Variants in LIFR observed in about 807,000 individuals in gnomAD.
LIFR encodes LIF receptor subunit alpha.
A neutral mutation model predicts 122.2 loss-of-function variants in LIFR; 84 were observed. The ratio of observed to expected loss-of-function variants is 0.69; its 90% CI spans 0.58 to 0.82. The LOEUF is 0.82. Ranked by LOEUF, LIFR falls within the 40% of genes least tolerant of loss-of-function variation. The pLI, the probability that LIFR is intolerant of heterozygous loss-of-function variation, is 0.00. For missense variants in LIFR, 1,294 were observed against 1,311.6 expected (o/e 0.99, Z 0.21); for synonymous variants, 422 against 434.7 (o/e 0.97, Z 0.36).
intron 1 of LIFR, among the ~76,000 whole-genome samples, chr5:38,548,638 C>A (rs1333692909): frequency 2.0e-5 from 3 of 152,060 alleles, no homozygotes; most frequent in African/African-American, 7.2e-5. Context: ...CACTCTAACA[C>A]CTCTATAAAA....
rs549742515 is a variant in LIFR, at chr5:38,519,884, G to A, written c.561+3535C>T. On this transcript the variant is annotated intron_variant, in intron 5 of 19. Coordinates refer to ENST00000453190, the MANE Select transcript of LIFR (RefSeq NM_001127671.2). ...TATCCACTCATCTACTGGACACTTAGGTTGATTCCACATATTTTCTATTGT... is the reference window on the plus strand; with the variant it reads ...TATCCACTCATCTACTGGACACTTAAGTTGATTCCACATATTTTCTATTGT... 9.2e-5 allele frequency among the ~76,000 whole-genome samples: 14 copies of A among 152,230 alleles called. No individual in the cohort carries two copies. In the South Asian group the frequency reaches 1.4e-3, roughly 16 times the overall value.
chr5:38,514,294 C>T (rs2112507878), intron 5 of LIFR, among the ~76,000 whole-genome samples: 1 of 152,216 alleles, frequency 6.6e-6, no homozygotes, highest in South Asian at 2.1e-4. Context: ...TGTTTTTAGA[C>T]TGACAGGGGC....
chr5:38,564,963 C>T (rs2112701427), intron 1 of LIFR, among the ~76,000 whole-genome samples: 2 of 152,018 alleles, frequency 1.3e-5, no homozygotes, highest in South Asian at 4.2e-4. Flanking sequence ...TTAGTAGAGA[C>T]AGGGTTTCGC....
At chr5:38,555,666 A>G (rs990233911) in intron 1 of LIFR, among the ~76,000 whole-genome samples, 1 of 144,452 alleles carries the variant, frequency 6.9e-6, no homozygotes, top group African/African-American at 2.5e-5. Context: ...ACACAAAGAT[A>G]CCCAACTGCA....
At chr5:38,525,470 A>T (rs1746630589) in intron 4 of LIFR, among the ~76,000 whole-genome samples, 1 of 152,200 alleles carries the variant, frequency 6.6e-6, no homozygotes, top group Admixed American at 6.5e-5. Flanking sequence ...AAACCAATAC[A>T]CATTAATCTC....
In LIFR at chr5:38,490,236, T is replaced by G; in HGVS notation, c.2121A>C (p.Gln707His). 6.3e-7 allele frequency: 1 copy of G among 1,587,678 alleles called. No homozygotes were observed. The highest frequency in any genetic ancestry group is 1.1e-5 in the South Asian group (1 of 89,446). Reference sequence around the variant, plus strand: ...TCATGGAGCGTAATAATTGATATCCTTGATTTCTGCATCCATACAGGAAAA... The same window carrying G: ...TCATGGAGCGTAATAATTGATATCCGTGATTTCTGCATCCATACAGGAAAA... ...YNFFLYGCRNQGYQLLRSMIG... is the reference protein window; with the variant it reads ...YNFFLYGCRNHGYQLLRSMIG... Residue 707 changes from glutamine to histidine, a missense_variant, in exon 15 of 20, where the codon CAA becomes CAC. Physicochemically the swap from Gln to His is conservative, Grantham distance 24 (BLOSUM62 0). Transcript: ENST00000453190.
chr5:38,495,388 A>G (rs1423993092), intron 13 of LIFR, among the ~76,000 whole-genome samples: 1 of 152,154 alleles, frequency 6.6e-6, no homozygotes, highest in African/African-American at 2.4e-5. Flanking sequence ...GCCAAAATGA[A>G]GAAGCCATTA....
intron 2 of LIFR, 59 bp downstream of exon 2, chr5:38,530,447 T>A: frequency 6.7e-7 from 1 of 1,487,590 alleles, no homozygotes; most frequent in Non-Finnish European, 9.4e-7. Context: ...AATTGCTTCG[T>A]CATCAAAATG....
intron 10 of LIFR, among the ~76,000 whole-genome samples, chr5:38,503,499 CTCATT>C (rs1296533864): frequency 6.6e-6 from 1 of 152,028 alleles, no homozygotes; most frequent in Non-Finnish European, 1.5e-5. Flanking sequence ...TTAAGTACAC[CTCATT>C]TATTTCAGAC....
intron 12 of LIFR, among the ~76,000 whole-genome samples, chr5:38,497,476 T>C (rs763440632): frequency 1.2e-4 from 19 of 152,218 alleles, no homozygotes; most frequent in Non-Finnish European, 2.4e-4. Context: ...GGAGCAAAAC[T>C]TTTAAAACTA....
At chr5:38,589,943 C>A (rs932608734) in intron 1 of LIFR, among the ~76,000 whole-genome samples, 1 of 152,142 alleles carries the variant, frequency 6.6e-6, no homozygotes, top group African/African-American at 2.4e-5. Context: ...TGGAACCAAA[C>A]CATCTATGTA....
At chr5:38,517,370 TA>T (rs1213136667) in intron 5 of LIFR, among the ~76,000 whole-genome samples, 1 of 152,078 alleles carries the variant, frequency 6.6e-6, no homozygotes, top group Admixed American at 6.5e-5. Flanking sequence ...TTTGAGGAGT[TA>T]TCCTAAGCCT....
chr5:38,538,330 C>T (rs1323124461), intron 1 of LIFR, among the ~76,000 whole-genome samples: 1 of 152,186 alleles, frequency 6.6e-6, no homozygotes, highest in Non-Finnish European at 1.5e-5. Context: ...TAATTACTTC[C>T]AAATCCGTGT....
intron 9 of LIFR, 50 bp from the exon 10 acceptor site, chr5:38,504,171 A>C: frequency 8.2e-7 from 1 of 1,214,010 alleles, no homozygotes; most frequent in Non-Finnish European, 1.2e-6. Flanking sequence ...GGGAAAAACT[A>C]TCTTCTAATA....
At chr5:38,523,397 G>A (rs745692546) in intron 5 of LIFR, 22 bp downstream of exon 5, 1 of 1,592,148 alleles carries the variant, frequency 6.3e-7, no homozygotes, top group Non-Finnish European at 8.6e-7. Flanking sequence ...GTCATAGGAA[G>A]AAAATCTATG....
intron 13 of LIFR, among the ~76,000 whole-genome samples, chr5:38,496,109 TA>T (rs1241381780): frequency 6.6e-6 from 1 of 152,214 alleles, no homozygotes; most frequent in African/African-American, 2.4e-5. Flanking sequence ...TATTTCTTCC[TA>T]AAAGTACTAT....
intron 7 of LIFR, 130 bp downstream of exon 7, chr5:38,510,334 T>A (rs1185583292): frequency 5.8e-6 from 5 of 862,858 alleles, no homozygotes; most frequent in South Asian, 1.5e-5. Context: ...ATAGCCTTTA[T>A]ATTAAAGAAC....
intron 18 of LIFR, among the ~76,000 whole-genome samples, chr5:38,483,310 C>T (rs1019697153): frequency 6.6e-6 from 1 of 152,184 alleles, no homozygotes; most frequent in South Asian, 2.1e-4. Context: ...ACTTGAAATT[C>T]CTACAGAAAA....
At chr5:38,504,190 G>A (rs1238071177) in intron 9 of LIFR, 69 bp from the exon 10 acceptor site, 1 of 1,117,628 alleles carries the variant, frequency 8.9e-7, no homozygotes, top group African/African-American at 1.6e-5. Flanking sequence ...TATGACAAAT[G>A]AGAAGAAAAC....
Sources: gnomAD v4.1 joint callset for allele counts (sites outside exome capture counted in the v4.1 genomes callset) on GRCh38, gnomAD v4.1.1 for gene constraint, MANE v1.5 for transcripts, NCBI Gene and HGNC (gene_info 2026-07-23, HGNC 2026-07-21) for gene names.